SLC24A2: variants seen among roughly 807,000 people sequenced by gnomAD.
SLC24A2 encodes solute carrier family 24 member 2, also known as sodium/potassium/calcium exchanger 2.
Under a neutral mutation model 62.0 loss-of-function variants are expected in SLC24A2, and 36 were observed. The ratio of observed to expected loss-of-function variants is 0.58; its 90% CI spans 0.44 to 0.77. The LOEUF (loss-of-function observed/expected upper bound fraction) is 0.77, where lower values mean the gene tolerates loss of function less well. Ranked by LOEUF, SLC24A2 falls within the 30% of genes least tolerant of loss-of-function variation. The pLI, the probability that SLC24A2 is intolerant of heterozygous loss-of-function variation, is 0.00. For synonymous variants in SLC24A2, 358 were observed against 294.0 expected (o/e 1.22, Z -2.23); for missense variants, 846 against 817.9 (o/e 1.03, Z -0.42).
At chr9:19,928,328 T>C in the SLC24A2 span, 1 of 152,216 alleles carries the variant, frequency 6.6e-6, no homozygotes, top group African/African-American at 2.4e-5. Context: ...GCAGGGTTTC[T>C]AGGAGATTCT....
chr9:20,030,865 A>G, the SLC24A2 span, among the ~76,000 whole-genome samples: 1 of 152,066 alleles, frequency 6.6e-6, no homozygotes, highest in African/African-American at 2.4e-5. Flanking sequence ...GTATCCCTTA[A>G]TATGTCATTC....
rs181361878 is a variant in SLC24A2 at position 19,573,241 on chromosome 9, C to A, written c.1347+110G>T. ...AGGATGTATAAGGCCCTACCTGATT[C>A]CTGCCCAGCTGAGAGCTGGGGCTTC... On this transcript the variant is annotated intron_variant, in intron 7 of 10. Transcript: ENST00000341998. The A allele has an allele frequency of 5.2e-6, 4 of 767,258 alleles. No individual in the cohort carries two copies. The Admixed American group carries it at 5.8e-5, about 11-fold the overall frequency. 47.5% of individuals were successfully genotyped at this position (767,258 alleles called of 1,614,324 possible). A position where few individuals can be genotyped will look rare whatever the true frequency, so the allele number is the denominator to read the frequency against.
the SLC24A2 span, among the ~76,000 whole-genome samples, chr9:20,263,227 G>C: frequency 8.5e-5 from 13 of 152,306 alleles, no homozygotes; most frequent in South Asian, 6.2e-4. Flanking sequence ...GGATGGAGGA[G>C]ACAGAGAGAG....
the SLC24A2 span, among the ~76,000 whole-genome samples, chr9:20,296,849 CTGT>C: frequency 1.2e-4 from 18 of 152,202 alleles, no homozygotes; most frequent in African/African-American, 4.3e-4. Context: ...GCTCTCATGA[CTGT>C]TGTTAGTACA....
At chr9:20,102,175 T>C in the SLC24A2 span, among the ~76,000 whole-genome samples, 1 of 152,156 alleles carries the variant, frequency 6.6e-6, no homozygotes, top group South Asian at 2.1e-4. Context: ...TTCTGTAGAT[T>C]GAGTAAGCCC....
chr9:19,547,312 G>A (rs778630534), intron 8 of SLC24A2, among the ~76,000 whole-genome samples: 1 of 152,158 alleles, frequency 6.6e-6, no homozygotes, highest in East Asian at 1.9e-4. Flanking sequence ...TGGCTACCCT[G>A]CCCATTCTGC....
At chr9:20,052,695 T>C in the SLC24A2 span, among the ~76,000 whole-genome samples, 4 of 152,178 alleles carry the variant, frequency 2.6e-5, no homozygotes, top group African/African-American at 9.7e-5. Context: ...CTGACTGCTG[T>C]TTCCTGGGAT....
chr9:19,621,338 C>T (rs868425337), intron 3 of SLC24A2, among the ~76,000 whole-genome samples: 14 of 152,112 alleles, frequency 9.2e-5, no homozygotes, highest in African/African-American at 2.7e-4. Context: ...AGTCTGTATC[C>T]GTGTTCTGGT....
At chr9:19,689,517 G>A (rs546629656) in intron 2 of SLC24A2, among the ~76,000 whole-genome samples, 21 of 152,248 alleles carry the variant, frequency 1.4e-4, no homozygotes, top group African/African-American at 4.8e-4. Context: ...GAGTACGGGA[G>A]TGTGATAGAT....
At chr9:19,874,280 A>G in the SLC24A2 span, among the ~76,000 whole-genome samples, 11 of 152,000 alleles carry the variant, frequency 7.2e-5, no homozygotes, top group African/African-American at 2.4e-4. Context: ...GGGTTTCGCC[A>G]TGTTGGCCAG....
chr9:20,015,261 G>C, the SLC24A2 span, among the ~76,000 whole-genome samples: 1 of 152,168 alleles, frequency 6.6e-6, no homozygotes, highest in Non-Finnish European at 1.5e-5. Context: ...AAGTGGAGGA[G>C]AGCAAGGTTG....
chr9:20,234,726 C>A, the SLC24A2 span, among the ~76,000 whole-genome samples: 1 of 152,238 alleles, frequency 6.6e-6, no homozygotes, highest in East Asian at 1.9e-4. Context: ...TCTCTCAACT[C>A]GTCAAAGTCA....
At chr9:20,213,522 C>T in the SLC24A2 span, among the ~76,000 whole-genome samples, 1 of 152,028 alleles carries the variant, frequency 6.6e-6, no homozygotes, top group East Asian at 1.9e-4. Context: ...TGTATATTCA[C>T]ACATAAAATA....
At chr9:20,272,323 A>G in the SLC24A2 span, among the ~76,000 whole-genome samples, 1 of 152,190 alleles carries the variant, frequency 6.6e-6, no homozygotes. Context: ...CATTCCTACC[A>G]TCATCCAGAG....
At chr9:19,652,299 G>A (rs925470947) in intron 2 of SLC24A2, among the ~76,000 whole-genome samples, 32 of 152,132 alleles carry the variant, frequency 2.1e-4, no homozygotes, top group Non-Finnish European at 7.4e-5. Context: ...TCTGTGTCCT[G>A]TCCTAACCCC....
At chr9:19,639,041 G>A (rs555965103) in intron 2 of SLC24A2, among the ~76,000 whole-genome samples, 237 of 152,280 alleles carry the variant, frequency 1.6e-3, no homozygotes, top group African/African-American at 5.5e-3. Context: ...CATCCCAGAT[G>A]GGAACATAAT....
chr9:19,655,066 A>G (rs1818907756), intron 2 of SLC24A2, among the ~76,000 whole-genome samples: 1 of 152,242 alleles, frequency 6.6e-6, no homozygotes, highest in Non-Finnish European at 1.5e-5. Context: ...AAAACAAAAC[A>G]ATTTTTAGGT....
At chr9:19,832,369 C>G in the SLC24A2 span, among the ~76,000 whole-genome samples, 1 of 152,092 alleles carries the variant, frequency 6.6e-6, no homozygotes, top group South Asian at 2.1e-4. Flanking sequence ...ATGTTGTAAG[C>G]CAGATATGAG....
At chr9:19,771,438 A>G (rs1822684973) in intron 2 of SLC24A2, among the ~76,000 whole-genome samples, 1 of 152,208 alleles carries the variant, frequency 6.6e-6, no homozygotes, top group African/African-American at 2.4e-5. Context: ...GTGGCTATCC[A>G]CTTAATTGGA....
Sources: allele counts gnomAD v4.1 joint callset (sites outside exome capture counted in the v4.1 genomes callset), GRCh38; gene constraint gnomAD v4.1.1; transcripts MANE v1.5; gene names NCBI Gene and HGNC (gene_info 2026-07-23, HGNC 2026-07-21).